EPHA3: variants seen among roughly 807,000 people sequenced by gnomAD.
EPHA3 encodes ephrin type-A receptor 3.
A neutral mutation model predicts 107.1 loss-of-function variants in EPHA3; 42 were observed. The ratio of observed to expected loss-of-function variants is 0.39; its 90% CI spans 0.31 to 0.51. The LOEUF (loss-of-function observed/expected upper bound fraction) is 0.51, where lower values mean the gene tolerates loss of function less well. EPHA3 is among the 20% of genes least tolerant of loss of function. The probability of loss-of-function intolerance (pLI) is 0.78; values close to 1 mark genes in which losing one functional copy is unlikely to be tolerated. For missense variants in EPHA3, 1,183 were observed against 1,211.2 expected (o/e 0.98, Z 0.35); for synonymous variants, 461 against 424.8 (o/e 1.09, Z -1.05).
intron 2 of EPHA3, among the ~76,000 whole-genome samples, chr3:89,189,821 A>C (rs541296417): frequency 6.6e-6 from 1 of 152,352 alleles, no homozygotes; most frequent in East Asian, 1.9e-4. Flanking sequence ...ACAACTGGTT[A>C]CTAAGGAGGC....
rs567443956 is a variant in EPHA3, at chr3:89,159,295, T to C, written c.153+32022T>C. 1.1e-4 allele frequency among the ~76,000 whole-genome samples: 17 copies of C among 152,250 alleles called. No individual in the cohort carries two copies. In the South Asian group the frequency reaches 2.7e-3, roughly 24 times the overall value. The stretch of plus-strand genomic sequence containing the variant: ...GAATCAGAGCTCTTAGTTGTAAGCA[T>C]TGGAAACCTGCTGAAGCTGATTTAG... On this transcript the variant is annotated intron_variant, in intron 2 of 16. Transcript: ENST00000336596.
At chr3:89,320,702 G>T (rs1450420303) in intron 3 of EPHA3, among the ~76,000 whole-genome samples, 3 of 151,862 alleles carry the variant, frequency 2.0e-5, no homozygotes, top group African/African-American at 7.3e-5. Context: ...TTAGATATTA[G>T]ATTGCCAGCA....
At chr3:89,229,543 A>G (rs564333881) in intron 3 of EPHA3, among the ~76,000 whole-genome samples, 1 of 151,200 alleles carries the variant, frequency 6.6e-6, no homozygotes, top group African/African-American at 2.4e-5. Context: ...GTTTAAAAAT[A>G]TATATATTTA....
intron 2 of EPHA3, among the ~76,000 whole-genome samples, chr3:89,201,056 G>A (rs141459956): frequency 6.6e-6 from 1 of 152,248 alleles, no homozygotes; most frequent in East Asian, 1.9e-4. Flanking sequence ...AAGAAAAGAA[G>A]TTTAATTGGC....
chr3:89,200,837 C>A (rs6793727), intron 2 of EPHA3, among the ~76,000 whole-genome samples: 89,741 of 151,844 alleles, frequency 0.59, 28,384 homozygotes, highest in Non-Finnish European at 0.7. Context: ...GGTGAACTGG[C>A]ATGTCTAAGT....
At chr3:89,179,473 C>T (rs913008835) in intron 2 of EPHA3, among the ~76,000 whole-genome samples, 2 of 151,940 alleles carry the variant, frequency 1.3e-5, no homozygotes, top group African/African-American at 2.4e-5. Flanking sequence ...TAGTGAGTCT[C>T]TTTATGATCT....
chr3:89,430,600 G>A (rs571950542), intron 12 of EPHA3, among the ~76,000 whole-genome samples: 13 of 152,126 alleles, frequency 8.5e-5, no homozygotes, highest in African/African-American at 3.1e-4. Context: ...ATGTGATTTA[G>A]TTTCTTATTG....
intron 3 of EPHA3, among the ~76,000 whole-genome samples, chr3:89,311,173 G>A (rs1352697169): frequency 6.6e-6 from 1 of 151,936 alleles, no homozygotes; most frequent in African/African-American, 2.4e-5. Context: ...CATATATGAT[G>A]CCCCTCCCTA....
chr3:89,255,864 G>A (rs1162506884), intron 3 of EPHA3, among the ~76,000 whole-genome samples: 1 of 151,898 alleles, frequency 6.6e-6, no homozygotes, highest in Non-Finnish European at 1.5e-5. Context: ...TCGTACCACT[G>A]CACTCCAGCC....
intron 3 of EPHA3, among the ~76,000 whole-genome samples, chr3:89,323,520 A>T (rs1707091302): frequency 6.6e-6 from 1 of 152,124 alleles, no homozygotes; most frequent in Non-Finnish European, 1.5e-5. Context: ...AATAGTCATG[A>T]CATGATTTTT....
At chr3:89,206,475 A>G (rs889346902) in intron 2 of EPHA3, among the ~76,000 whole-genome samples, 3 of 152,200 alleles carry the variant, frequency 2.0e-5, no homozygotes, top group Non-Finnish European at 4.4e-5. Flanking sequence ...ACATTCAAAT[A>G]ATATTGTCAT....
chr3:89,121,615 GGT>G (rs1707388426), intron 1 of EPHA3, among the ~76,000 whole-genome samples: 1 of 151,964 alleles, frequency 6.6e-6, no homozygotes, highest in South Asian at 2.1e-4. Flanking sequence ...AAATTAGCTG[GGT>G]GTGGTGGCAC....
intron 3 of EPHA3, among the ~76,000 whole-genome samples, chr3:89,312,278 T>C (rs956993925): frequency 4.6e-5 from 7 of 151,870 alleles, no homozygotes; most frequent in Admixed American, 6.6e-5. Context: ...ATTAATTCCA[T>C]GCATTTCAAG....
intron 5 of EPHA3, among the ~76,000 whole-genome samples, chr3:89,346,532 G>A (rs1419452692): frequency 1.3e-5 from 2 of 148,442 alleles, no homozygotes; most frequent in East Asian, 3.9e-4. Context: ...TTTGTCAGAT[G>A]AGTAGGTTGC....
At chr3:89,260,078 G>A (rs1303419566) in intron 3 of EPHA3, among the ~76,000 whole-genome samples, 1 of 152,120 alleles carries the variant, frequency 6.6e-6, no homozygotes, top group Non-Finnish European at 1.5e-5. Context: ...CCTTTCTTCT[G>A]TCAACAGACA....
At chr3:89,471,705 A>G (rs1050070361) in intron 15 of EPHA3, among the ~76,000 whole-genome samples, 2 of 151,996 alleles carry the variant, frequency 1.3e-5, no homozygotes, top group Admixed American at 6.6e-5. Context: ...ATAAATCACA[A>G]TTACAATCCC....
intron 2 of EPHA3, among the ~76,000 whole-genome samples, chr3:89,188,484 A>C (rs568568143): frequency 6.6e-6 from 1 of 152,290 alleles, no homozygotes; most frequent in African/African-American, 2.4e-5. Flanking sequence ...AGATTCTCCC[A>C]AAAATTCTTG....
intron 2 of EPHA3, among the ~76,000 whole-genome samples, chr3:89,179,615 G>A (rs1705393785): frequency 6.7e-6 from 1 of 149,990 alleles, no homozygotes; most frequent in African/African-American, 2.5e-5. Context: ...GACAGCCTTT[G>A]AGCCCAATGC....
intron 2 of EPHA3, among the ~76,000 whole-genome samples, chr3:89,204,600 G>A (rs1323412130): frequency 1.1e-5 from 1 of 89,122 alleles, no homozygotes; most frequent in Non-Finnish European, 2.4e-5. Context: ...ATATATATCT[G>A]TGTGTAAATG....
Sources: gnomAD v4.1 joint callset for allele counts (sites outside exome capture counted in the v4.1 genomes callset) on GRCh38, gnomAD v4.1.1 for gene constraint, MANE v1.5 for transcripts, NCBI Gene and HGNC (gene_info 2026-07-23, HGNC 2026-07-21) for gene names.